Variants in SNX18 observed in about 807,000 individuals in gnomAD.
The protein encoded by SNX18 is sorting nexin 18.
Under a neutral mutation model 48.7 loss-of-function variants are expected in SNX18, and 35 were observed. The ratio of observed to expected loss-of-function variants is 0.72; its 90% confidence interval spans 0.55 to 0.95. The LOEUF (loss-of-function observed/expected upper bound fraction) is 0.95, where lower values mean the gene tolerates loss of function less well. SNX18 is among the 40% of genes least tolerant of loss of function. The pLI, the probability that SNX18 is intolerant of heterozygous loss-of-function variation, is 0.00. For missense variants in SNX18, 824 were observed against 871.0 expected (o/e 0.95, Z 0.68); for synonymous variants, 492 against 384.7 (o/e 1.28, Z -3.26).
chr5:54,591,200 GAC>G, the SNX18 span, among the ~76,000 whole-genome samples: 1 of 151,294 alleles, frequency 6.6e-6, no homozygotes, highest in Non-Finnish European at 1.5e-5. Context: ...GTTTTTTTGA[GAC>G]ACGCTTTTGT....
the SNX18 span, chr5:54,645,984 T>A: frequency 6.6e-6 from 1 of 152,214 alleles, no homozygotes; most frequent in Non-Finnish European, 1.5e-5. Flanking sequence ...AAAAATGAAA[T>A]CACATTTTTG....
the SNX18 span, among the ~76,000 whole-genome samples, chr5:54,565,678 T>C: frequency 6.6e-6 from 1 of 152,202 alleles, no homozygotes. Flanking sequence ...AATAAAACTT[T>C]ATGTACCTGT....
downstream of SNX18, among the ~76,000 whole-genome samples, chr5:54,547,735 T>A (rs559692545): frequency 1.6e-4 from 25 of 152,258 alleles, no homozygotes; most frequent in African/African-American, 5.5e-4. Context: ...ACTGACTGTT[T>A]CCCCTTCTCT....
chr5:54,589,303 C>G, the SNX18 span, among the ~76,000 whole-genome samples: 1 of 152,138 alleles, frequency 6.6e-6, no homozygotes, highest in Admixed American at 6.5e-5. Context: ...TGTGGCCTTT[C>G]CCTTCCAGAG....
the SNX18 span, among the ~76,000 whole-genome samples, chr5:54,610,262 G>C: frequency 6.6e-6 from 1 of 152,168 alleles, no homozygotes; most frequent in Non-Finnish European, 1.5e-5. Flanking sequence ...CACCACCCTT[G>C]TGTCACATCT....
the SNX18 span, among the ~76,000 whole-genome samples, chr5:54,612,499 A>G: frequency 1.3e-5 from 2 of 152,092 alleles, no homozygotes; most frequent in South Asian, 4.2e-4. Context: ...TCCTGACTTC[A>G]TGATCTGCCG....
At chr5:54,599,971 C>G in the SNX18 span, among the ~76,000 whole-genome samples, 19 of 152,112 alleles carry the variant, frequency 1.2e-4, no homozygotes, top group African/African-American at 4.1e-4. Flanking sequence ...GCAACAAAAG[C>G]AAAAATTGAC....
rs372239672 is a variant in SNX18, at chr5:54,519,562, A to C, written c.1610A>C (p.His537Pro). ...CTGGCTAACTTCCCGGACATCATCC[A>C]CGTTCAGAAAGGTAAAGCCTGGCCC... ...GHLANFPDII[H>P]VQKGALTKVK... is the part of the protein sequence containing the mutation. Residue 537 changes from histidine to proline, a missense_variant, in exon 1 of 2, where the codon CAC becomes CCC. Around this residue, in one of 3 missense-constraint regions of SNX18, gnomAD observed 443 missense variants for 503.6 expected, o/e 0.88. Coordinates refer to ENST00000381410, the MANE Select transcript of SNX18 (RefSeq NM_001102575.2). The C allele has an allele frequency of 8.1e-6, 13 of 1,614,104 alleles. No homozygotes were observed. The highest frequency in any genetic ancestry group is 1.1e-5 in the Non-Finnish European group (13 of 1,180,048).
At chr5:54,525,133 A>G (rs1762107680) in intron 1 of SNX18, among the ~76,000 whole-genome samples, 2 of 152,204 alleles carry the variant, frequency 1.3e-5, no homozygotes, top group East Asian at 1.9e-4. Context: ...ACGCTCACTT[A>G]TCTTTGGCCA....
the SNX18 span, among the ~76,000 whole-genome samples, chr5:54,633,514 T>G: frequency 6.6e-6 from 1 of 152,188 alleles, no homozygotes; most frequent in Non-Finnish European, 1.5e-5. Context: ...CAGGTTCATA[T>G]TGTATCAGTA....
the SNX18 span, among the ~76,000 whole-genome samples, chr5:54,594,061 T>C: frequency 1.3e-5 from 2 of 152,238 alleles, no homozygotes; most frequent in African/African-American, 4.8e-5. Flanking sequence ...AATTGTTTCA[T>C]GTTCATACAA....
At chr5:54,624,577 T>C in the SNX18 span, among the ~76,000 whole-genome samples, 1 of 152,196 alleles carries the variant, frequency 6.6e-6, no homozygotes, top group Non-Finnish European at 1.5e-5. Context: ...CAGGGATATT[T>C]TGGAAGACAG....
chr5:54,564,596 C>T, the SNX18 span, among the ~76,000 whole-genome samples: 6 of 152,326 alleles, frequency 3.9e-5, no homozygotes, highest in East Asian at 9.7e-4. Context: ...GTGGCTCACG[C>T]CTGTAATCCC....
At chr5:54,596,816 C>T in the SNX18 span, among the ~76,000 whole-genome samples, 1 of 152,170 alleles carries the variant, frequency 6.6e-6, no homozygotes, top group Non-Finnish European at 1.5e-5. Context: ...AATGGATGTG[C>T]CCCTTTCCCC....
intron 1 of SNX18, chr5:54,519,946 G>A: frequency 1.1e-6 from 1 of 881,268 alleles, no homozygotes. Flanking sequence ...ACACTGCACT[G>A]TCACTTAGTG....
At chr5:54,609,843 C>T in the SNX18 span, among the ~76,000 whole-genome samples, 8,025 of 151,836 alleles carry the variant, frequency 0.053, 286 homozygotes, top group Non-Finnish European at 0.082. Context: ...GGAGGTGGAG[C>T]GTGGTGGGAG....
the SNX18 span, among the ~76,000 whole-genome samples, chr5:54,556,070 A>G: frequency 6.6e-6 from 1 of 152,294 alleles, no homozygotes; most frequent in South Asian, 2.1e-4. Context: ...AAAGCCTAAA[A>G]TCTTCAACAT....
At chr5:54,642,186 C>T in the SNX18 span, among the ~76,000 whole-genome samples, 94,001 of 152,038 alleles carry the variant, frequency 0.62, 29,193 homozygotes, top group African/African-American at 0.65. Context: ...TGTCCTTGGT[C>T]GGGTCACAAT....
At position 54,518,432 on chromosome 5, in the gene SNX18, C is replaced by T. The variant is rs751539037; in HGVS notation, c.480C>T (p.Asp160=). Residue 160 remains aspartate, a synonymous_variant, in exon 1 of 2, where the codon GAC becomes GAT. Coordinates refer to ENST00000381410, the MANE Select transcript of SNX18 (RefSeq NM_001102575.2). ...ATGACTGGGACGACGAGTGGGACGA[C>T]AGCTCCACGGTGGCGGACGAGCCGG... ...SDDDWDDEWD[D]SSTVADEPGA... 5 of 1,580,402 alleles carry T rather than the reference C, an allele frequency of 3.2e-6. No individual in the cohort carries two copies. In the South Asian group the frequency reaches 3.4e-5, roughly 11 times the overall value.
Sources: gnomAD v4.1 joint callset for allele counts (sites outside exome capture counted in the v4.1 genomes callset) on GRCh38, gnomAD v4.1.1 for gene constraint, gnomAD v4.1.1 regional missense constraint, MANE v1.5 for transcripts, NCBI Gene and HGNC (gene_info 2026-07-23, HGNC 2026-07-21) for gene names.